CSMD1: variants seen among roughly 807,000 people sequenced by gnomAD.
CSMD1 encodes CUB and Sushi multiple domains 1, also known as CUB and sushi domain-containing protein 1.
CSMD1 carries 213 observed loss-of-function variants against 417.5 expected under a neutral mutation model. That is an observed-to-expected ratio of 0.51 (90% CI 0.46 to 0.57). The LOEUF (loss-of-function observed/expected upper bound fraction) is 0.57, where lower values mean the gene tolerates loss of function less well. CSMD1 is among the 20% of genes least tolerant of loss of function. The probability of loss-of-function intolerance (pLI) is 0.00; values close to 1 mark genes in which losing one functional copy is unlikely to be tolerated. For synonymous variants in CSMD1, 2,862 were observed against 1,736.8 expected, an observed-to-expected ratio of 1.65 and a Z score of -16.11; for missense variants, 6,923 against 4,529.7, an observed-to-expected ratio of 1.53 and a Z score of -15.17.
chr8:4,188,376 T>C (rs916172703), intron 3 of CSMD1, among the ~76,000 whole-genome samples: 5 of 152,164 alleles, frequency 3.3e-5, no homozygotes, highest in Admixed American at 2.6e-4. Context: ...TTCTGCATAA[T>C]AGCAAACAAC....
intron 26 of CSMD1, among the ~76,000 whole-genome samples, chr8:3,231,862 A>G (rs1798859304): frequency 6.6e-6 from 1 of 152,178 alleles, no homozygotes; most frequent in Non-Finnish European, 1.5e-5. Context: ...TTAGACTAAT[A>G]TCTAAGTCAT....
chr8:3,206,457 GT>G (rs1425757153), intron 30 of CSMD1, among the ~76,000 whole-genome samples: 1 of 29,638 alleles, frequency 3.4e-5, no homozygotes, highest in Non-Finnish European at 8.0e-5. Flanking sequence ...GTGTATGTGT[GT>G]GTGGGGGGGT....
At chr8:3,563,857 C>T (rs956212448) in intron 10 of CSMD1, among the ~76,000 whole-genome samples, 1 of 152,064 alleles carries the variant, frequency 6.6e-6, no homozygotes, top group African/African-American at 2.4e-5. Context: ...CCATCGCACT[C>T]CAGCCTAGGT....
intron 1 of CSMD1, among the ~76,000 whole-genome samples, chr8:4,792,890 C>T (rs1415276444): frequency 6.6e-6 from 1 of 151,704 alleles, no homozygotes; most frequent in Non-Finnish European, 1.5e-5. Flanking sequence ...GTGCTCTCTG[C>T]CAGCACATTT....
intron 3 of CSMD1, among the ~76,000 whole-genome samples, chr8:4,170,575 T>G (rs948067673): frequency 6.6e-6 from 1 of 151,878 alleles, no homozygotes; most frequent in Non-Finnish European, 1.5e-5. Context: ...GATGAAAACC[T>G]TAGCAGTACA....
At chr8:3,536,307 A>T (rs574424419) in intron 10 of CSMD1, among the ~76,000 whole-genome samples, 2 of 152,304 alleles carry the variant, frequency 1.3e-5, no homozygotes, top group African/African-American at 4.8e-5. Flanking sequence ...TTATTTTACA[A>T]CATATTTAAA....
intron 5 of CSMD1, among the ~76,000 whole-genome samples, chr8:3,798,553 A>T (rs1038192429): frequency 6.6e-6 from 1 of 152,104 alleles, no homozygotes; most frequent in Non-Finnish European, 1.5e-5. Flanking sequence ...ACACTTTTCC[A>T]GAGTTTTGAG....
At chr8:3,788,574 A>C (rs1799568043) in intron 5 of CSMD1, among the ~76,000 whole-genome samples, 1 of 152,232 alleles carries the variant, frequency 6.6e-6, no homozygotes, top group Non-Finnish European at 1.5e-5. Context: ...AATTTAATGC[A>C]TTAAATCTTA....
At chr8:4,464,415 C>A (rs1406198222) in intron 2 of CSMD1, among the ~76,000 whole-genome samples, 1 of 152,150 alleles carries the variant, frequency 6.6e-6, no homozygotes, top group Non-Finnish European at 1.5e-5. Context: ...TGTAGCTTAG[C>A]CTTGCCTACC....
At chr8:4,169,396 A>T (rs1220501580) in intron 3 of CSMD1, among the ~76,000 whole-genome samples, 2 of 152,116 alleles carry the variant, frequency 1.3e-5, no homozygotes, top group African/African-American at 4.8e-5. Flanking sequence ...AACATGAGGC[A>T]TTGTAAATAC....
chr8:4,875,395 C>T (rs1299797192), intron 1 of CSMD1, among the ~76,000 whole-genome samples: 5 of 151,976 alleles, frequency 3.3e-5, no homozygotes, highest in Admixed American at 2.0e-4. Flanking sequence ...CTTTATTTCT[C>T]CAGAATAAAT....
At position 2,957,689 on chromosome 8, in the gene CSMD1, C is replaced by T. The variant is rs1803115885; in HGVS notation, c.9814+7G>A. ...CTTGTGATGGGGGTGGAAGAAATCA[C>T]ACTTACGTATACATTCGGTCTGTAT... On this transcript the variant is annotated splice_region_variant and intron_variant, in intron 63 of 69. Transcript: ENST00000635120. 1.3e-6 allele frequency: 2 copies of T among 1,544,498 alleles called. No homozygotes were observed. Among genetic ancestry groups the T allele is most frequent in the Admixed American group, 1.8e-5 (1 of 54,164 alleles).
intron 6 of CSMD1, among the ~76,000 whole-genome samples, chr8:3,708,879 A>G (rs1011163359): frequency 5.3e-5 from 8 of 152,186 alleles, no homozygotes; most frequent in African/African-American, 1.9e-4. Flanking sequence ...TGCTATAATC[A>G]TGAAAAAAAG....
chr8:2,955,016 A>T (rs757348576), intron 64 of CSMD1, among the ~76,000 whole-genome samples: 3 of 152,226 alleles, frequency 2.0e-5, no homozygotes, highest in Non-Finnish European at 4.4e-5. Context: ...GCTATCGTCA[A>T]ATCTGACCCA....
At chr8:4,803,522 T>C (rs1483016867) in intron 1 of CSMD1, among the ~76,000 whole-genome samples, 1 of 152,144 alleles carries the variant, frequency 6.6e-6, no homozygotes, top group African/African-American at 2.4e-5. Context: ...AGACCAGAAC[T>C]ACCAGAGACA....
Position 2,985,958 on chromosome 8 carries a change from G to GGAAGGGGAAGGGGAAGGA in CSMD1, c.8378-7159_8378-7158insTCCTTCCCCTTCCCCTTC, listed in dbSNP as rs1381992392. ...AGGGAAGGGAAGGGGAAGGGGAAGG[G>GGAAGGGGAAGGGGAAGGA]GAAGGGGAAGGGGAAGGGAAAGGGG... On this transcript the variant is annotated intron_variant, in intron 54 of 69. Transcript: ENST00000635120. Among the ~76,000 whole-genome samples, 11 of 142,544 alleles carry GGAAGGGGAAGGGGAAGGA rather than the reference G, an allele frequency of 7.7e-5. No homozygotes were observed. The East Asian group carries it at 2.1e-3, about 27-fold the overall frequency. 93.5% of individuals were successfully genotyped at this position (142,544 alleles called of 152,430 possible).
chr8:4,323,938 G>C (rs920625550), intron 3 of CSMD1, among the ~76,000 whole-genome samples: 1 of 152,124 alleles, frequency 6.6e-6, no homozygotes, highest in African/African-American at 2.4e-5. Flanking sequence ...CCCAGCAACA[G>C]GCATTCAGAC....
chr8:4,377,476 A>G (rs999522890), intron 3 of CSMD1, among the ~76,000 whole-genome samples: 2 of 152,172 alleles, frequency 1.3e-5, no homozygotes, highest in Admixed American at 1.3e-4. Flanking sequence ...TAACAAGTCA[A>G]TTTGACTATA....
intron 5 of CSMD1, among the ~76,000 whole-genome samples, chr8:3,838,642 ATAT>A (rs1462066018): frequency 3.2e-5 from 4 of 125,912 alleles, no homozygotes; most frequent in South Asian, 4.6e-4. Context: ...TAATAAATTA[ATAT>A]TATATAGTAT....
Sources: allele counts gnomAD v4.1 joint callset (sites outside exome capture counted in the v4.1 genomes callset), GRCh38; gene constraint gnomAD v4.1.1; transcripts MANE v1.5; gene names NCBI Gene and HGNC (gene_info 2026-07-23, HGNC 2026-07-21).